The following PIK3R5 variants were observed in gnomAD, a reference collection of about 807,000 sequenced individuals.
PIK3R5 encodes phosphoinositide-3-kinase regulatory subunit 5.
In PIK3R5, 32 loss-of-function variants were observed where a neutral mutation model predicts 94.9. That is an observed-to-expected ratio of 0.34 (90% CI 0.25 to 0.45). The LOEUF is 0.45. PIK3R5 is among the 20% of genes least tolerant of loss of function. The pLI is 1.00. For synonymous variants in PIK3R5, 443 were observed against 479.4 expected, an observed-to-expected ratio of 0.92 and a Z score of 0.99; for missense variants, 853 against 1,144.6, an observed-to-expected ratio of 0.75 and a Z score of 3.68.
chr17:8,951,693 T>C (rs2091379594), intron 1 of PIK3R5, among the ~76,000 whole-genome samples: 2 of 152,202 alleles, frequency 1.3e-5, no homozygotes, highest in Admixed American at 1.3e-4. Flanking sequence ...TAGCATGCTG[T>C]TTTTTATTAA....
intron 5 of PIK3R5, among the ~76,000 whole-genome samples, chr17:8,902,249 ATTTTTTTTTTTTTTTTT>A (rs397960477): frequency 1.3e-5 from 1 of 77,194 alleles, no homozygotes; most frequent in Non-Finnish European, 2.3e-5. Context: ...TGATATATTA[ATTTTTTTTTTTTTTTTT>A]TTTTTTTTTA....
intron 1 of PIK3R5, among the ~76,000 whole-genome samples, chr17:8,932,309 C>A (rs2091000569): frequency 6.6e-6 from 1 of 152,030 alleles, no homozygotes; most frequent in African/African-American, 2.4e-5. Context: ...TCTCGGCTCA[C>A]TGCAACCTCT....
At position 8,886,329 on chromosome 17, in the gene PIK3R5, A is replaced by G; in HGVS notation, c.2035-7T>C. 1 of 1,611,878 alleles carries G rather than the reference A, an allele frequency of 6.2e-7. No homozygotes were observed. The highest frequency in any genetic ancestry group is 8.5e-7 in the Non-Finnish European group (1 of 1,178,316). Reference sequence around the variant, plus strand: ...CCCCAGTGATGAAGGTCAGCTGGAGAGGGCAGGAGCATGTACATCAGTGTG... The same window carrying G: ...CCCCAGTGATGAAGGTCAGCTGGAGGGGGCAGGAGCATGTACATCAGTGTG... On this transcript the variant is annotated splice_polypyrimidine_tract_variant and splice_region_variant and intron_variant, in intron 13 of 18. Coordinates refer to ENST00000447110, the MANE Select transcript of PIK3R5 (RefSeq NM_001142633.3).
In PIK3R5 at chr17:8,880,638, A is replaced by C; in HGVS notation, c.*1T>G. On this transcript the variant is annotated 3_prime_UTR_variant, in exon 19 of 19. Coordinates refer to ENST00000447110, the MANE Select transcript of PIK3R5 (RefSeq NM_001142633.3). ...CTGTCCAGTCTGGCGCTGGGCCCAC[A>C]CTAGGGCAGAGCTCCACTGAAAGTC... The C allele has an allele frequency of 6.2e-7, 1 of 1,605,508 alleles. No homozygotes were observed. Among genetic ancestry groups the C allele is most frequent in the Non-Finnish European group, 8.5e-7 (1 of 1,176,050 alleles).
chr17:8,880,859 G>A lies in PIK3R5; in HGVS notation c.2495+46C>T, dbSNP rs756749484. ...CCAGCTCCTTCCAGGCCTCTGGGTT[G>A]GTGGGAGCAGAAACTGCTCCCCTCC... On this transcript the variant is annotated intron_variant, in intron 18 of 18. Coordinates refer to ENST00000447110, the MANE Select transcript of PIK3R5 (RefSeq NM_001142633.3). 1.6e-5 allele frequency: 26 copies of A among 1,613,026 alleles called. No homozygotes were observed. In the South Asian group the frequency reaches 2.7e-4, roughly 17 times the overall value.
intron 1 of PIK3R5, among the ~76,000 whole-genome samples, chr17:8,920,800 AG>A (rs1219989500): frequency 1.3e-5 from 2 of 150,804 alleles, no homozygotes; most frequent in East Asian, 3.9e-4. Flanking sequence ...TTTAAAATAC[AG>A]GTCCATATGT....
In PIK3R5 at chr17:8,893,593, A is replaced by T; in HGVS notation, c.475T>A (p.Ser159Thr). The change falls in exon 6 of 19, where the codon TCC becomes ACC. Residue 159 changes from serine to threonine, a missense_variant. Coordinates refer to ENST00000447110, the MANE Select transcript of PIK3R5 (RefSeq NM_001142633.3). The surrounding 1 kb of genome is among the most constrained non-coding windows in gnomAD (Gnocchi z 5.1). ...QGLPIRSHRS[S>T]TVTVLLLNPV... ...TCCCCCAAGAGCACTCACACGGTGG[A>T]GCTGCGGTGACTCCTGATGGGCAGG... is the stretch of plus-strand genomic sequence containing the variant. The T allele has an allele frequency of 6.2e-7, 1 of 1,613,380 alleles. No individual in the cohort carries two copies. Among genetic ancestry groups the T allele is most frequent in the Non-Finnish European group, 8.5e-7 (1 of 1,179,480 alleles).
In PIK3R5 at chr17:8,891,842, G is replaced by C. The variant is rs182464952; in HGVS notation, c.483-930C>G. On this transcript the variant is annotated intron_variant, in intron 6 of 18. Transcript: ENST00000447110. ...GCTGGTCTTGAACTCCTCACCTCGT[G>C]ATCCACCCGCGTCGGCCTCCCAAAG... 1.1e-4 allele frequency among the ~76,000 whole-genome samples: 17 copies of C among 151,832 alleles called. No homozygotes were observed. In the East Asian group the frequency reaches 3.3e-3, roughly 29 times the overall value.
intron 1 of PIK3R5, among the ~76,000 whole-genome samples, chr17:8,926,072 T>C (rs968527293): frequency 6.6e-6 from 1 of 152,046 alleles, no homozygotes; most frequent in African/African-American, 2.4e-5. Flanking sequence ...ACTGAGAAGA[T>C]GCAGCTCATG....
intron 1 of PIK3R5, among the ~76,000 whole-genome samples, chr17:8,961,884 G>A (rs554061524): frequency 1.3e-5 from 2 of 152,310 alleles, no homozygotes; most frequent in East Asian, 1.9e-4. Flanking sequence ...CCTTTTGGGT[G>A]TAACTTGCTG....
At chr17:8,947,503 G>T (rs188786208) in intron 1 of PIK3R5, among the ~76,000 whole-genome samples, 1 of 151,834 alleles carries the variant, frequency 6.6e-6, no homozygotes, top group African/African-American at 2.4e-5. Context: ...GTTTCCGTGC[G>T]TATCTAGTCT....
intron 1 of PIK3R5, among the ~76,000 whole-genome samples, chr17:8,947,065 T>C (rs1417758111): frequency 7.0e-6 from 1 of 142,054 alleles, no homozygotes; most frequent in East Asian, 2.0e-4. Flanking sequence ...ATGAAGAGGT[T>C]TGAAGGAAGA....
rs897179200 is a variant in PIK3R5, at chr17:8,888,645, G to A, written c.1142C>T (p.Ser381Leu). The A allele has an allele frequency of 6.2e-7, 1 of 1,613,588 alleles. No homozygotes were observed. Among genetic ancestry groups the A allele is most frequent in the Non-Finnish European group, 8.5e-7 (1 of 1,179,866 alleles). ...GCTGTCCATGCCATCAGAGAGGCCT[G>A]AGACAAAGGAAGTCAGCAGATGGCG... Reference protein sequence around the residue: ...LSRHLLTSFVSGLSDGMDSGY... With the variant: ...LSRHLLTSFVLGLSDGMDSGY... The change falls in exon 10 of 19, where the codon TCA becomes TTA. Residue 381 changes from serine to leucine, a missense_variant. Ser to Leu is a moderately radical substitution (Grantham distance 145, BLOSUM62 -2). Transcript: ENST00000447110. This position sits in a 1 kb window ranked among gnomAD's most constrained non-coding sequence, Gnocchi z 7.8.
chr17:8,912,175 G>A (rs1484891540), intron 1 of PIK3R5, among the ~76,000 whole-genome samples: 1 of 152,178 alleles, frequency 6.6e-6, no homozygotes, highest in African/African-American at 2.4e-5. Flanking sequence ...TAGCTGAGCT[G>A]GAAAGTCACT....
At position 8,955,907 on chromosome 17, in the gene PIK3R5, T is replaced by C. The variant is rs1231183132; in HGVS notation, c.-14+9689A>G. 2.6e-5 allele frequency among the ~76,000 whole-genome samples: 4 copies of C among 152,114 alleles called. No homozygotes were observed. Among genetic ancestry groups the C allele is most frequent in the African/African-American group, 7.2e-5 (3 of 41,432 alleles). On this transcript the variant is annotated intron_variant, in intron 1 of 18. Transcript: ENST00000447110. The surrounding 1 kb of genome is among the most constrained non-coding windows in gnomAD (Gnocchi z 4.4). ...GGGCATCAAGTGAAAATAACCCGCA[T>C]GTACTTGGAGGCCGAAGCAGGTAGA...
chr17:8,897,052 C>T (rs905897811), intron 5 of PIK3R5, among the ~76,000 whole-genome samples: 10 of 152,342 alleles, frequency 6.6e-5, no homozygotes, highest in Non-Finnish European at 1.2e-4. Flanking sequence ...TCTTACACTT[C>T]CCTCCTCACT....
At position 8,888,286 on chromosome 17, in the gene PIK3R5, G is replaced by A. The variant is rs762438060; in HGVS notation, c.1501C>T (p.Arg501Cys). Residue 501 changes from arginine (R) to cysteine (C), a missense_variant, in exon 10 of 19, where the codon CGC becomes TGC. Coordinates refer to ENST00000447110, the MANE Select transcript of PIK3R5 (RefSeq NM_001142633.3). The surrounding 1 kb of genome is among the most constrained non-coding windows in gnomAD (Gnocchi z 7.8). The part of the protein sequence containing the change: ...WLLAPASRPQ[R>C]RRPFLSGDED... Reference sequence around the variant, plus strand: ...TCTCCACTCAGGAAGGGGCGGCGGCGCTGGGGGCGTGAAGCAGGGGCCAGA... The same window carrying A: ...TCTCCACTCAGGAAGGGGCGGCGGCACTGGGGGCGTGAAGCAGGGGCCAGA... 21 of 1,613,072 alleles carry A rather than the reference G, an allele frequency of 1.3e-5. No homozygotes were observed. The highest frequency in any genetic ancestry group is 1.4e-5 in the Non-Finnish European group (17 of 1,179,844).
chr17:8,884,613 AG>A lies in PIK3R5; in HGVS notation c.2205+93del. On this transcript the variant is annotated intron_variant, in intron 15 of 18. Coordinates refer to ENST00000447110, the MANE Select transcript of PIK3R5 (RefSeq NM_001142633.3). This position sits in a 1 kb window ranked among gnomAD's most constrained non-coding sequence, Gnocchi z 5.8. ...CCTTCCAGCGTAAAGACTGGGGCCCAGGAACACACGAGTCCAGCTCTGGGTC... is the reference window on the plus strand; with the variant it reads ...CCTTCCAGCGTAAAGACTGGGGCCCAGAACACACGAGTCCAGCTCTGGGTC... The A allele has an allele frequency of 1.0e-6, 1 of 972,674 alleles. No individual in the cohort carries two copies. The highest frequency in any genetic ancestry group is 1.6e-6 in the Non-Finnish European group (1 of 618,742). The allele number at this position is 972,674 out of a possible 1,614,324, so 60.3% of individuals were successfully genotyped here.
At chr17:8,887,428 C>G in intron 11 of PIK3R5, 93 bp downstream of exon 11, 1 of 1,431,708 alleles carries the variant, frequency 7.0e-7, no homozygotes, top group Non-Finnish European at 9.5e-7. Context: ...GCCCTGTCAA[C>G]ACAGGTGCTT....
Sources: allele counts gnomAD v4.1 joint callset (sites outside exome capture counted in the v4.1 genomes callset), GRCh38; gene constraint gnomAD v4.1.1; non-coding constraint Gnocchi (gnomAD v3.1); transcripts MANE v1.5; gene names NCBI Gene and HGNC (gene_info 2026-07-23, HGNC 2026-07-21).